TTPA: variants seen among roughly 807,000 people sequenced by gnomAD.
TTPA encodes the protein alpha tocopherol transfer protein.
In TTPA, 23 loss-of-function variants were observed where a neutral mutation model predicts 25.9. That is an observed-to-expected ratio of 0.89 (90% CI 0.64 to 1.26). The LOEUF is 1.26. TTPA is among the 50% of genes most tolerant of loss of function. The pLI is 0.00. For missense variants in TTPA, 337 were observed against 353.1 expected (o/e 0.95, Z 0.37); for synonymous variants, 148 against 137.3 (o/e 1.08, Z -0.54).
rs368391591 is a variant in TTPA at position 63,073,002 on chromosome 8, C to T, written c.291G>A (p.Lys97=). 6.2e-7 allele frequency: 1 copy of T among 1,614,044 alleles called. No homozygotes were observed. The highest frequency in any genetic ancestry group is 1.7e-5 in the Admixed American group (1 of 60,000). Residue 97 remains lysine (K), a synonymous_variant, in exon 2 of 5, where the codon AAG becomes AAA. Coordinates refer to ENST00000260116, the MANE Select transcript of TTPA (RefSeq NM_000370.3). ...LHPRSIIGLL[K]AGYHGVLRSR... is the part of the protein sequence containing the mutation. ...ATCTCAGGACTCCATGGTAGCCAGC[C>T]TTTAGGAGGCCAATAATACTTCTAG...
At chr8:63,075,767 ACTAT>A (rs892436712) in intron 1 of TTPA, among the ~76,000 whole-genome samples, 2 of 152,018 alleles carry the variant, frequency 1.3e-5, no homozygotes, top group African/African-American at 4.8e-5. Context: ...AAAGGCAATA[ACTAT>A]CAGGAGCAGA....
chr8:63,066,027 A>G lies in TTPA; in HGVS notation c.429T>C (p.Ile143=). 2.5e-6 allele frequency: 4 copies of G among 1,614,108 alleles called. No individual in the cohort carries two copies. Among genetic ancestry groups the G allele is most frequent in the African/African-American group, 1.3e-5 (1 of 75,054 alleles). ...TCCGCTGAGTTTCTACCTCCTGTAC[A>G]ATAAGCTCGGATGTGATTAGACTTA... The part of the protein sequence containing the change: ...FRVSLITSEL[I]VQEVETQRNG... The change falls in exon 3 of 5, where the codon ATT becomes ATC. Residue 143 remains isoleucine, a synonymous_variant. Coordinates refer to ENST00000260116, the MANE Select transcript of TTPA (RefSeq NM_000370.3).
At chr8:63,085,402 G>C (rs991938042) in intron 1 of TTPA, among the ~76,000 whole-genome samples, 3 of 152,162 alleles carry the variant, frequency 2.0e-5, no homozygotes, top group Non-Finnish European at 4.4e-5. Flanking sequence ...CCCGCTATAC[G>C]TAGTTAATCT....
Position 63,073,073 on chromosome 8 carries a change from A to AAT in TTPA, c.218_219dup (p.Tyr74IlefsTer11), listed in dbSNP as rs766675875. Reference sequence around the variant, plus strand: ...TCTGGACATTCTGCTCTCCACTTATAATAGTTTTTTAGTAACTGAAAAATA... The same window carrying AAT: ...TCTGGACATTCTGCTCTCCACTTATAATATAGTTTTTTAGTAACTGAAAAATA... On this transcript the variant is annotated frameshift_variant, in exon 2 of 5. Coordinates refer to ENST00000260116, the MANE Select transcript of TTPA (RefSeq NM_000370.3). LOFTEE classifies it high-confidence loss of function. 3 of 1,611,322 alleles carry AAT rather than the reference A, an allele frequency of 1.9e-6. No individual in the cohort carries two copies. The highest frequency in any genetic ancestry group is 2.5e-6 in the Non-Finnish European group (3 of 1,178,088).
chr8:63,080,684 C>T (rs1472826558), intron 1 of TTPA, among the ~76,000 whole-genome samples: 2 of 147,726 alleles, frequency 1.4e-5, no homozygotes, highest in Admixed American at 6.8e-5. Context: ...CATGCCACTG[C>T]ACTCCAGCCT....
At chr8:63,058,545 A>C (rs1302645231), downstream of TTPA, among the ~76,000 whole-genome samples, 1 of 152,218 alleles carries the variant, frequency 6.6e-6, no homozygotes, top group Non-Finnish European at 1.5e-5. Context: ...AGTAATATAG[A>C]CAATTAGACA....
intron 2 of TTPA, among the ~76,000 whole-genome samples, chr8:63,067,988 A>G (rs1174688826): frequency 6.6e-6 from 1 of 152,214 alleles, no homozygotes; most frequent in East Asian, 1.9e-4. Context: ...GTGTACACGC[A>G]GTACCATTTA....
At chr8:63,069,955 T>G (rs144061247) in intron 2 of TTPA, among the ~76,000 whole-genome samples, 2 of 152,336 alleles carry the variant, frequency 1.3e-5, no homozygotes, top group East Asian at 3.9e-4. Context: ...TTGAGTGCTT[T>G]TATGTACCAG....
chr8:63,071,212 T>C (rs1805478005), intron 2 of TTPA, among the ~76,000 whole-genome samples: 1 of 152,126 alleles, frequency 6.6e-6, no homozygotes, highest in Non-Finnish European at 1.5e-5. Context: ...TCAATTTTAT[T>C]TGACACTTAA....
In TTPA at chr8:63,059,840, T is replaced by C. The variant is rs1353215889; in HGVS notation, c.*1412A>G. On this transcript the variant is annotated 3_prime_UTR_variant, in exon 5 of 5. Transcript: ENST00000260116. ...ACACATGGACACAGGAAGGGGAACA[T>C]CACACACCGGGGCCTATTTATTTAT... The C allele has an allele frequency of 6.6e-6, 1 of 151,986 alleles. No homozygotes were observed. Among genetic ancestry groups the C allele is most frequent in the Admixed American group, 6.6e-5 (1 of 15,254 alleles). The allele number at this position is 151,986 out of a possible 1,614,324, so 9.4% of individuals were successfully genotyped here.
At position 63,085,836 on chromosome 8, in the gene TTPA, A is replaced by G; in HGVS notation, c.186T>C (p.Asp62=). 6.5e-7 allele frequency: 1 copy of G among 1,536,726 alleles called. No homozygotes were observed. Among genetic ancestry groups the G allele is most frequent in the Non-Finnish European group, 8.7e-7 (1 of 1,145,528 alleles). Residue 62 remains aspartate, a synonymous_variant, in exon 1 of 5, where the codon GAT becomes GAC. Transcript: ENST00000260116. ...LLRFLRARDF[D]LDLAWRLLKN... ...CGCTTACCCGCCAGGCCAGGTCCAG[A>G]TCGAAATCCCGGGCGCGCAGGAACC...
In TTPA at chr8:63,085,969, G is replaced by T. The variant is rs1268566443; in HGVS notation, c.53C>A (p.Pro18Gln). Residue 18 changes from proline (P) to glutamine (Q), a missense_variant, in exon 1 of 5, where the codon CCG becomes CAG. Transcript: ENST00000260116. ...PSAGPQLNALPDHSPLLQPGL... is the reference protein window; with the variant it reads ...PSAGPQLNALQDHSPLLQPGL... ...CGGCTGCAGCAACGGAGAGTGGTCC[G>T]GTAGCGCGTTGAGCTGCGGCCCCGC... is the stretch of plus-strand genomic sequence containing the variant. 2 of 1,515,598 alleles carry T rather than the reference G, an allele frequency of 1.3e-6. No homozygotes were observed. Among genetic ancestry groups the T allele is most frequent in the South Asian group, 1.2e-5 (1 of 81,950 alleles). 93.9% of individuals were successfully genotyped at this position (1,515,598 alleles called of 1,614,324 possible). A position where few individuals can be genotyped will look rare whatever the true frequency, so the allele number is the denominator to read the frequency against.
At chr8:63,078,428 T>C (rs1209494793) in intron 1 of TTPA, among the ~76,000 whole-genome samples, 1 of 152,126 alleles carries the variant, frequency 6.6e-6, no homozygotes, top group East Asian at 1.9e-4. Context: ...ACAAGGAAGC[T>C]AAAATCCTTG....
chr8:63,068,797 A>T (rs755360908), intron 2 of TTPA, among the ~76,000 whole-genome samples: 9 of 152,222 alleles, frequency 5.9e-5, no homozygotes, highest in Non-Finnish European at 1.0e-4. Flanking sequence ...GCTATTTTTT[A>T]AAAATTTTTA....
intron 1 of TTPA, among the ~76,000 whole-genome samples, chr8:63,075,912 A>G (rs1389081872): frequency 6.6e-6 from 1 of 152,188 alleles, no homozygotes; most frequent in East Asian, 1.9e-4. Context: ...ATAGCATAAA[A>G]AGCTTATCAC....
chr8:63,061,857 C>G (rs1459523513), intron 4 of TTPA, among the ~76,000 whole-genome samples: 1 of 152,096 alleles, frequency 6.6e-6, no homozygotes, highest in African/African-American at 2.4e-5. Context: ...ACAATTAAAT[C>G]TATGAGAAAC....
chr8:63,077,142 A>G (rs1299893516), intron 1 of TTPA, among the ~76,000 whole-genome samples: 1 of 152,240 alleles, frequency 6.6e-6, no homozygotes, highest in Non-Finnish European at 1.5e-5. Flanking sequence ...AAAGGCCTAA[A>G]ATACATAAAA....
intron 1 of TTPA, 114 bp downstream of exon 1, chr8:63,085,704 C>T (rs551630439): frequency 1.5e-6 from 2 of 1,325,534 alleles, no homozygotes; most frequent in South Asian, 2.7e-5. Flanking sequence ...CGTTACCCGC[C>T]AGGGTCCTGC....
intron 1 of TTPA, among the ~76,000 whole-genome samples, chr8:63,083,348 G>A (rs556869968): frequency 1.4e-4 from 21 of 152,244 alleles, no homozygotes; most frequent in Admixed American, 2.0e-4. Flanking sequence ...GGACGTGGAC[G>A]AAGCTGGAAA....
Sources: gnomAD v4.1 joint callset for allele counts (sites outside exome capture counted in the v4.1 genomes callset) on GRCh38, gnomAD v4.1.1 for gene constraint, MANE v1.5 for transcripts, NCBI Gene and HGNC (gene_info 2026-07-23, HGNC 2026-07-21) for gene names.